FXYD2: variants seen among roughly 807,000 people sequenced by gnomAD.
The protein encoded by FXYD2 is FXYD domain containing ion transport regulator 2.
Under a neutral mutation model 11.8 loss-of-function variants are expected in FXYD2, and 8 were observed. The ratio of observed to expected loss-of-function variants is 0.68; its 90% CI spans 0.40 to 1.22. The LOEUF is 1.22. Ranked by LOEUF, FXYD2 falls within the 50% of genes most tolerant of loss-of-function variation. The pLI, the probability that FXYD2 is intolerant of heterozygous loss-of-function variation, is 0.01. For synonymous variants in FXYD2, 42 were observed against 33.3 expected, an observed-to-expected ratio of 1.26 and a Z score of -0.90; for missense variants, 92 against 91.8, an observed-to-expected ratio of 1.00 and a Z score of -0.01.
At chr11:117,820,477 C>G (rs1268927607) in intron 5 of FXYD2, 105 bp from the exon 6 acceptor site, 8 of 671,824 alleles carry the variant, frequency 1.2e-5, no homozygotes, top group Non-Finnish European at 2.0e-5. Context: ...TCTGTGATCT[C>G]CTGCGGCACA....
chr11:117,824,299 C>G lies in FXYD2; in HGVS notation c.25+355G>C, dbSNP rs1316345195. 1 of 426,310 alleles carries G rather than the reference C, an allele frequency of 2.3e-6. No individual in the cohort carries two copies. The highest frequency in any genetic ancestry group is 4.3e-6 in the Non-Finnish European group (1 of 230,046). The allele number at this position is 426,310 out of a possible 1,614,324, so 26.4% of individuals were successfully genotyped here. A position where few individuals can be genotyped will look rare whatever the true frequency, so the allele number is the denominator to read the frequency against. ...GGAAGGCTGACCAGAGGGGCCTGCTCCTTCCCCAGCCAGATGGACGCCGTC... is the reference window on the plus strand; with the variant it reads ...GGAAGGCTGACCAGAGGGGCCTGCTGCTTCCCCAGCCAGATGGACGCCGTC... On this transcript the variant is annotated intron_variant, in intron 1 of 5. Coordinates refer to ENST00000292079, the MANE Select transcript of FXYD2 (RefSeq NM_001680.5). The surrounding 1 kb of genome is among the most constrained non-coding windows in gnomAD (Gnocchi z 4.0).
upstream of FXYD2, among the ~76,000 whole-genome samples, chr11:117,825,734 C>T (rs1342563714): frequency 6.6e-6 from 1 of 152,176 alleles, no homozygotes; most frequent in African/African-American, 2.4e-5. Context: ...CCCCAGGACT[C>T]CTGTGCCGGG....
At chr11:117,823,779 C>A (rs538351381) in intron 1 of FXYD2, among the ~76,000 whole-genome samples, 14 of 152,316 alleles carry the variant, frequency 9.2e-5, no homozygotes, top group African/African-American at 3.1e-4. Flanking sequence ...CCGGGCTGTG[C>A]CAAACTGTGC....
intron 3 of FXYD2, chr11:117,821,966 C>T: frequency 9.2e-7 from 1 of 1,088,332 alleles, no homozygotes; most frequent in Non-Finnish European, 1.1e-6. Context: ...CTCTTTGTCT[C>T]CCCCAGAACA....
chr11:117,824,892 C>T, upstream of FXYD2: 1 of 669,472 alleles, frequency 1.5e-6, no homozygotes, highest in East Asian at 2.7e-5. The surrounding 1 kb of genome is among the most constrained non-coding windows in gnomAD (Gnocchi z 4.0). Context: ...GAGGCAGGGG[C>T]AGGGAGGAGC....
chr11:117,823,311 C>G (rs1194299866), intron 1 of FXYD2, among the ~76,000 whole-genome samples: 1 of 152,106 alleles, frequency 6.6e-6, no homozygotes, highest in African/African-American at 2.4e-5. Flanking sequence ...ACTAACAAAC[C>G]CTAACTCATC....
upstream of FXYD2, among the ~76,000 whole-genome samples, chr11:117,827,818 C>T (rs879584220): frequency 3.3e-5 from 5 of 152,216 alleles, no homozygotes; most frequent in Non-Finnish European, 7.3e-5. Flanking sequence ...GCTCTGCACA[C>T]ACGTTACAGC....
At chr11:117,828,008 G>A (rs946243834), upstream of FXYD2, 4 of 1,550,080 alleles carry the variant, frequency 2.6e-6, no homozygotes, top group Non-Finnish European at 3.5e-6. Flanking sequence ...GGTACCACCT[G>A]TCCATGGCAG....
chr11:117,825,489 C>T (rs1329130266), upstream of FXYD2, among the ~76,000 whole-genome samples: 1 of 152,158 alleles, frequency 6.6e-6, no homozygotes, highest in Non-Finnish European at 1.5e-5. Flanking sequence ...TGGGGAAAAC[C>T]CCCTGCGTTT....
In FXYD2 at chr11:117,824,732, T is replaced by C. The variant is rs2055998468; in HGVS notation, c.-54A>G. 4 of 1,609,442 alleles carry C rather than the reference T, an allele frequency of 2.5e-6. No homozygotes were observed. Among genetic ancestry groups the C allele is most frequent in the Non-Finnish European group, 3.4e-6 (4 of 1,178,068 alleles). ...CCCCTCTTCCTGCTGTCTCTGCTTTTTGGAGAGTGTCTGGCTGCCTCCACG... is the reference window on the plus strand; with the variant it reads ...CCCCTCTTCCTGCTGTCTCTGCTTTCTGGAGAGTGTCTGGCTGCCTCCACG... On this transcript the variant is annotated 5_prime_UTR_variant, in exon 1 of 6. Transcript: ENST00000292079. This position sits in a 1 kb window ranked among gnomAD's most constrained non-coding sequence, Gnocchi z 4.0.
At chr11:117,825,352 T>C (rs2056012655), upstream of FXYD2, among the ~76,000 whole-genome samples, 1 of 152,180 alleles carries the variant, frequency 6.6e-6, no homozygotes, top group Non-Finnish European at 1.5e-5. Context: ...CATCCCCAAC[T>C]AATTTCTCCT....
Position 117,822,240 on chromosome 11 carries a change from G to T in FXYD2, c.139+166C>A. 8 of 1,509,796 alleles carry T rather than the reference G, an allele frequency of 5.3e-6. No homozygotes were observed. Among genetic ancestry groups the T allele is most frequent in the Non-Finnish European group, 6.2e-6 (7 of 1,129,504 alleles). The allele number at this position is 1,509,796 out of a possible 1,614,324, so 93.5% of individuals were successfully genotyped here. A position where few individuals can be genotyped will look rare whatever the true frequency, so the allele number is the denominator to read the frequency against. ...GCAGGAACCTCACACTGTGCTCCCA[G>T]CGAGCCTGGCACCCCACCGGGCACC... On this transcript the variant is annotated intron_variant, in intron 3 of 5. Coordinates refer to ENST00000292079, the MANE Select transcript of FXYD2 (RefSeq NM_001680.5). This position sits in a 1 kb window ranked among gnomAD's most constrained non-coding sequence, Gnocchi z 4.7.
rs1297367014 is a variant in FXYD2, at chr11:117,822,388, G to A, written c.139+18C>T. 6.4e-7 allele frequency: 1 copy of A among 1,553,460 alleles called. No homozygotes were observed. The highest frequency in any genetic ancestry group is 8.7e-7 in the Non-Finnish European group (1 of 1,147,906). ...GTGCCCTGGTCAGCACCCCTTCCCT[G>A]GAGGCCACCCCACTTACTGAGGAGG... is the stretch of plus-strand genomic sequence containing the variant. On this transcript the variant is annotated intron_variant, in intron 3 of 5. Transcript: ENST00000292079. The surrounding 1 kb of genome is among the most constrained non-coding windows in gnomAD (Gnocchi z 4.7).
chr11:117,822,449 G>A lies in FXYD2; in HGVS notation c.96C>T (p.Ile32=). ...CCACGATGAAGGCCAGTCCAGCGAAGATCAGGCCCCCATTGCGAACGGTCT... is the reference window on the plus strand; with the variant it reads ...CCACGATGAAGGCCAGTCCAGCGAAAATCAGGCCCCCATTGCGAACGGTCT... The part of the protein sequence containing the change: ...DYETVRNGGL[I]FAGLAFIVGL... The change falls in exon 3 of 6, where the codon ATC becomes ATT. Residue 32 remains isoleucine (I), a synonymous_variant. Coordinates refer to ENST00000292079, the MANE Select transcript of FXYD2 (RefSeq NM_001680.5). This position sits in a 1 kb window ranked among gnomAD's most constrained non-coding sequence, Gnocchi z 4.7. The A allele has an allele frequency of 6.4e-7, 1 of 1,563,602 alleles. No individual in the cohort carries two copies. Among genetic ancestry groups the A allele is most frequent in the Non-Finnish European group, 8.7e-7 (1 of 1,153,112 alleles).
chr11:117,825,809 T>C (rs1349706586), upstream of FXYD2, among the ~76,000 whole-genome samples: 1 of 152,228 alleles, frequency 6.6e-6, no homozygotes, highest in Non-Finnish European at 1.5e-5. Flanking sequence ...CAGAAAAGGC[T>C]GAAGCCCAAT....
At chr11:117,825,564 A>G (rs1364260672), upstream of FXYD2, among the ~76,000 whole-genome samples, 2 of 152,120 alleles carry the variant, frequency 1.3e-5, no homozygotes, top group Non-Finnish European at 2.9e-5. Flanking sequence ...CATTTTACTG[A>G]TGAGGCAGGT....
upstream of FXYD2, chr11:117,828,004 AC>A (rs1310029502): frequency 1.3e-6 from 2 of 1,547,806 alleles, no homozygotes; most frequent in Admixed American, 3.9e-5. Flanking sequence ...CCCAGGTACC[AC>A]CTGTCCATGG....
At position 117,820,084 on chromosome 11, in the gene FXYD2, A is replaced by G. The variant is rs2055862185; in HGVS notation, c.*295T>C. On this transcript the variant is annotated 3_prime_UTR_variant, in exon 6 of 6. Coordinates refer to ENST00000292079, the MANE Select transcript of FXYD2 (RefSeq NM_001680.5). ...GAAAAAACAAATGAGACCCGGCTGTATTTGTACTTGAGCTTGGAGAGGCTG... is the reference window on the plus strand; with the variant it reads ...GAAAAAACAAATGAGACCCGGCTGTGTTTGTACTTGAGCTTGGAGAGGCTG... 6.5e-6 allele frequency: 1 copy of G among 153,724 alleles called. No homozygotes were observed. The highest frequency in any genetic ancestry group is 1.5e-5 in the Non-Finnish European group (1 of 68,916). 9.5% of individuals were successfully genotyped at this position (153,724 alleles called of 1,614,324 possible). A position where few individuals can be genotyped will look rare whatever the true frequency, so the allele number is the denominator to read the frequency against.
intron 1 of FXYD2, among the ~76,000 whole-genome samples, chr11:117,823,539 G>A (rs1216935414): frequency 6.6e-6 from 1 of 152,208 alleles, no homozygotes; most frequent in Non-Finnish European, 1.5e-5. Context: ...TAGAGGTAAG[G>A]TCCTGCCCCT....
Sources: allele counts gnomAD v4.1 joint callset (sites outside exome capture counted in the v4.1 genomes callset), GRCh38; gene constraint gnomAD v4.1.1; non-coding constraint Gnocchi (gnomAD v3.1); transcripts MANE v1.5; gene names NCBI Gene and HGNC (gene_info 2026-07-23, HGNC 2026-07-21).